RIPOR2: variants seen among roughly 807,000 people sequenced by gnomAD.
RIPOR2 encodes the protein rho family-interacting cell polarization regulator 2.
Under a neutral mutation model 114.5 loss-of-function variants are expected in RIPOR2, and 39 were observed. That is an observed-to-expected ratio of 0.34 (90% CI 0.26 to 0.44). The LOEUF (loss-of-function observed/expected upper bound fraction) is 0.44. RIPOR2 is among the 20% of genes least tolerant of loss of function. The pLI, the probability that RIPOR2 is intolerant of heterozygous loss-of-function variation, is 1.00. For missense variants in RIPOR2, 1,007 were observed against 1,255.1 expected (o/e 0.80, Z 2.99); for synonymous variants, 445 against 484.4 (o/e 0.92, Z 1.07).
chr6:25,036,340 A>T (rs1341361395), intron 1 of RIPOR2, among the ~76,000 whole-genome samples: 1 of 152,172 alleles, frequency 6.6e-6, no homozygotes, highest in Non-Finnish European at 1.5e-5. Context: ...AGTGCTAACC[A>T]GTGGCTGCCT....
At position 24,805,659 on chromosome 6, in the gene RIPOR2, C is replaced by T. The variant is rs1780727427; in HGVS notation, c.*714G>A. 6.6e-6 allele frequency: 1 copy of T among 151,876 alleles called. No individual in the cohort carries two copies. Among genetic ancestry groups the T allele is most frequent in the South Asian group, 2.1e-4 (1 of 4,812 alleles). 9.4% of individuals were successfully genotyped at this position (151,876 alleles called of 1,614,324 possible). On this transcript the variant is annotated 3_prime_UTR_variant, in exon 22 of 22. Transcript: ENST00000643898. ...TAGGTAGCTAAGGGGACTACTCAAC[C>T]CTGAGAACACGACCGAGAAAAACTG...
At chr6:24,893,156 G>A (rs925363246) in intron 1 of RIPOR2, among the ~76,000 whole-genome samples, 1 of 152,206 alleles carries the variant, frequency 6.6e-6, no homozygotes, top group Non-Finnish European at 1.5e-5. Flanking sequence ...CAAAGGGATC[G>A]ATCAAGCATG....
At chr6:24,956,555 A>G (rs1773052519) in intron 1 of RIPOR2, among the ~76,000 whole-genome samples, 1 of 152,228 alleles carries the variant, frequency 6.6e-6, no homozygotes, top group Admixed American at 6.5e-5. Context: ...TTTAATCCTC[A>G]TGACACGCTA....
At chr6:25,003,423 T>TATCATC (rs201922956) in intron 1 of RIPOR2, among the ~76,000 whole-genome samples, 2 of 137,806 alleles carry the variant, frequency 1.5e-5, no homozygotes, top group South Asian at 2.4e-4. Flanking sequence ...TTATTATTAT[T>TATCATC]ATCATCTCCT....
At chr6:25,034,095 T>TAA (rs1419410346) in intron 1 of RIPOR2, among the ~76,000 whole-genome samples, 1 of 150,982 alleles carries the variant, frequency 6.6e-6, no homozygotes, top group East Asian at 1.9e-4. Flanking sequence ...AAAGGTTTTA[T>TAA]ATATATATAT....
At chr6:24,902,594 C>T (rs553513287) in intron 1 of RIPOR2, among the ~76,000 whole-genome samples, 4 of 152,280 alleles carry the variant, frequency 2.6e-5, no homozygotes, top group African/African-American at 9.6e-5. Flanking sequence ...TTTGCACTAC[C>T]TATACTTGCT....
At chr6:24,849,471 T>C (rs1442103636) in intron 11 of RIPOR2, among the ~76,000 whole-genome samples, 1 of 152,160 alleles carries the variant, frequency 6.6e-6, no homozygotes, top group African/African-American at 2.4e-5. Flanking sequence ...TCAAATTAGT[T>C]TACTTGAGAG....
At chr6:25,014,482 G>A (rs757152335) in intron 1 of RIPOR2, among the ~76,000 whole-genome samples, 4 of 152,212 alleles carry the variant, frequency 2.6e-5, no homozygotes, top group East Asian at 3.9e-4. Context: ...AAGCTATTTC[G>A]AAATAGAGCC....
intron 19 of RIPOR2, among the ~76,000 whole-genome samples, chr6:24,824,485 T>G (rs975828611): frequency 6.6e-6 from 1 of 152,186 alleles, no homozygotes; most frequent in African/African-American, 2.4e-5. Context: ...TGGATTTTGA[T>G]GAGAGTTAGT....
At chr6:24,868,739 ATGTG>A (rs1764869362) in intron 6 of RIPOR2, among the ~76,000 whole-genome samples, 1 of 152,214 alleles carries the variant, frequency 6.6e-6, no homozygotes, top group African/African-American at 2.4e-5. Context: ...ACCAAGTGTT[ATGTG>A]GAACCAGAGT....
intron 1 of RIPOR2, among the ~76,000 whole-genome samples, chr6:24,982,427 A>T (rs1400998217): frequency 6.6e-6 from 1 of 152,164 alleles, no homozygotes; most frequent in Non-Finnish European, 1.5e-5. Flanking sequence ...TTTCTAGGTG[A>T]CTCAGCTTGC....
chr6:24,824,361 C>T (rs78878559), intron 19 of RIPOR2, among the ~76,000 whole-genome samples: 3,987 of 152,240 alleles, frequency 0.026, 163 homozygotes, highest in African/African-American at 0.084. Flanking sequence ...AGTACACAAA[C>T]GTTCCATTAC....
chr6:24,928,915 G>T (rs1771167031), intron 1 of RIPOR2, among the ~76,000 whole-genome samples: 1 of 152,002 alleles, frequency 6.6e-6, no homozygotes, highest in South Asian at 2.1e-4. Context: ...ACCCCAAAAA[G>T]TTCCCATGTT....
intron 1 of RIPOR2, among the ~76,000 whole-genome samples, chr6:25,021,103 C>G (rs1292593580): frequency 6.6e-6 from 1 of 152,200 alleles, no homozygotes; most frequent in Non-Finnish European, 1.5e-5. Context: ...AGGTGATCCA[C>G]CCACCTCGGC....
At chr6:24,983,083 A>ATT (rs1304674946) in intron 1 of RIPOR2, among the ~76,000 whole-genome samples, 1 of 152,026 alleles carries the variant, frequency 6.6e-6, no homozygotes. Context: ...GGATCTACTC[A>ATT]GGGGACTAGA....
At chr6:24,953,491 CT>C (rs1158045977) in intron 1 of RIPOR2, among the ~76,000 whole-genome samples, 5 of 152,142 alleles carry the variant, frequency 3.3e-5, no homozygotes, top group Non-Finnish European at 7.3e-5. Context: ...AGGCAGCTTC[CT>C]GCAAGCCAGG....
chr6:25,024,488 G>T (rs1283177224), intron 1 of RIPOR2: 8 of 826,110 alleles, frequency 9.7e-6, no homozygotes, highest in Admixed American at 7.3e-5. Flanking sequence ...TGGACATAGT[G>T]TCTGGGATTG....
intron 1 of RIPOR2, among the ~76,000 whole-genome samples, chr6:24,889,995 G>A (rs956253066): frequency 2.0e-5 from 3 of 152,026 alleles, no homozygotes; most frequent in African/African-American, 7.3e-5. Context: ...GGGTTCAAGC[G>A]ATTCTCCTGC....
In RIPOR2 at chr6:24,843,113, C is replaced by A; in HGVS notation, c.1606G>T (p.Asp536Tyr). ...EASELKPVEL[D>Y]TSEGNITKQL... ...TTTGTGATGTTTCCTTCCGAAGTGTCCAGTTCCACAGGCTTGAGCTCAGAG... is the reference window on the plus strand; with the variant it reads ...TTTGTGATGTTTCCTTCCGAAGTGTACAGTTCCACAGGCTTGAGCTCAGAG... The change falls in exon 13 of 22, where the codon GAC becomes TAC. Residue 536 changes from aspartate to tyrosine, a missense_variant. By Grantham distance (160) the Asp-to-Tyr change is radical. Coordinates refer to ENST00000643898, the MANE Select transcript of RIPOR2 (RefSeq NM_001286445.3). 6.2e-7 allele frequency: 1 copy of A among 1,614,010 alleles called. No individual in the cohort carries two copies. Among genetic ancestry groups the A allele is most frequent in the Non-Finnish European group, 8.5e-7 (1 of 1,179,878 alleles).
Sources: gnomAD v4.1 joint callset for allele counts (sites outside exome capture counted in the v4.1 genomes callset) on GRCh38, gnomAD v4.1.1 for gene constraint, MANE v1.5 for transcripts, NCBI Gene and HGNC (gene_info 2026-07-23, HGNC 2026-07-21) for gene names.